DRC3: variants seen among roughly 807,000 people sequenced by gnomAD.
The protein encoded by DRC3 is leucine rich repeat containing 48.
A neutral mutation model predicts 57.6 loss-of-function variants in DRC3; 45 were observed. The ratio of observed to expected loss-of-function variants is 0.78; its 90% CI spans 0.62 to 1.00. DRC3 has a LOEUF of 1.00. Ranked by LOEUF, DRC3 falls within the 50% of genes least tolerant of loss-of-function variation. The pLI is 0.00. For missense variants in DRC3, 655 were observed against 675.2 expected (o/e 0.97, Z 0.33); for synonymous variants, 257 against 272.3 (o/e 0.94, Z 0.55).
chr17:17,975,226 T>G (rs1302308843), intron 2 of DRC3, among the ~76,000 whole-genome samples: 4 of 127,540 alleles, frequency 3.1e-5, no homozygotes, highest in East Asian at 5.0e-4. Flanking sequence ...TTTTTTTTTT[T>G]TCTTGATGGA....
At chr17:18,014,944 A>C (rs143614515) in intron 12 of DRC3, 10 of 152,192 alleles carry the variant, frequency 6.6e-5, no homozygotes, top group African/African-American at 2.2e-4. Flanking sequence ...CCCATTCCAC[A>C]TATCAGCTAA....
At chr17:18,000,675 C>T (rs1461592138) in intron 9 of DRC3, among the ~76,000 whole-genome samples, 1 of 152,120 alleles carries the variant, frequency 6.6e-6, no homozygotes, top group Non-Finnish European at 1.5e-5. Flanking sequence ...CCTACAGAAC[C>T]TGTACCTTCC....
At position 18,008,794 on chromosome 17, in the gene DRC3, C is replaced by G. The variant is rs980672307; in HGVS notation, c.1326+1647C>G. On this transcript the variant is annotated intron_variant, in intron 12 of 13. Transcript: ENST00000399187. The surrounding 1 kb of genome is among the most constrained non-coding windows in gnomAD (Gnocchi z 4.3). ...AGTGCCCAGTTTGGAATTCCCCAGA[C>G]AGACCATCTTGGGGTGGGTGGAGAT... Among the ~76,000 whole-genome samples the G allele has an allele frequency of 1.3e-5, 2 of 152,252 alleles. No individual in the cohort carries two copies. The highest frequency in any genetic ancestry group is 4.8e-5 in the African/African-American group (2 of 41,468).
intron 8 of DRC3, among the ~76,000 whole-genome samples, chr17:17,996,049 G>A (rs1440181517): frequency 6.6e-6 from 1 of 152,186 alleles, no homozygotes; most frequent in Non-Finnish European, 1.5e-5. Context: ...AGACAGCGTT[G>A]CGCTGTTGTT....
chr17:17,975,963 G>C (rs575699628), intron 2 of DRC3, among the ~76,000 whole-genome samples: 14 of 152,284 alleles, frequency 9.2e-5, no homozygotes, highest in Non-Finnish European at 1.3e-4. Context: ...CAGTCTTAGA[G>C]GGAAGTCTCT....
rs185581511 is a variant in DRC3, at chr17:18,003,575, C to G, written c.1000-788C>G. 1.1e-3 allele frequency among the ~76,000 whole-genome samples: 151 copies of G among 138,510 alleles called. 1 individual carries two copies. Among genetic ancestry groups the G allele is most frequent in the Non-Finnish European group, 1.7e-3 (108 of 64,938 alleles). The allele number at this position is 138,510 out of a possible 152,430, so 90.9% of individuals were successfully genotyped here. A position where few individuals can be genotyped will look rare whatever the true frequency, so the allele number is the denominator to read the frequency against. ...ACCTTTCCCATGGGAGATTTAACTTCTGCTTTCAGGAAGAAAAAGGGAGGT... is the reference window on the plus strand; with the variant it reads ...ACCTTTCCCATGGGAGATTTAACTTGTGCTTTCAGGAAGAAAAAGGGAGGT... On this transcript the variant is annotated intron_variant, in intron 9 of 13. Coordinates refer to ENST00000399187, the MANE Select transcript of DRC3 (RefSeq NM_031294.4).
chr17:18,004,665 A>G (rs1199639489), intron 10 of DRC3, 171 bp downstream of exon 10: 2 of 647,450 alleles, frequency 3.1e-6, no homozygotes, highest in African/African-American at 1.8e-5. Context: ...TTACATTTTA[A>G]TCATTTACAT....
At chr17:17,977,535 A>G (rs1358353831) in intron 2 of DRC3, 47 bp from the exon 3 acceptor site, 4 of 1,610,040 alleles carry the variant, frequency 2.5e-6, no homozygotes, top group South Asian at 1.1e-5. Context: ...CCTGCCCTCA[A>G]ACAGAGAAAG....
intron 2 of DRC3, among the ~76,000 whole-genome samples, chr17:17,976,572 T>G (rs913198493): frequency 5.3e-5 from 8 of 152,050 alleles, no homozygotes; most frequent in Non-Finnish European, 1.0e-4. Flanking sequence ...TCCTAGTTAC[T>G]CAGGAGGCTG....
intron 13 of DRC3, 64 bp downstream of exon 13, chr17:18,016,259 C>A: frequency 1.3e-6 from 2 of 1,545,108 alleles, no homozygotes; most frequent in South Asian, 2.3e-5. Context: ...TGGAAATCCT[C>A]CCTAGGTAGT....
chr17:17,999,046 T>C (rs1281735120), intron 9 of DRC3, among the ~76,000 whole-genome samples: 2 of 152,310 alleles, frequency 1.3e-5, no homozygotes, highest in South Asian at 2.1e-4. Context: ...CTGATATTTA[T>C]CTGGTCCCTG....
intron 9 of DRC3, among the ~76,000 whole-genome samples, chr17:18,003,976 T>C (rs1176431504): frequency 6.6e-6 from 1 of 151,974 alleles, no homozygotes; most frequent in Non-Finnish European, 1.5e-5. Context: ...CTCAAAATAA[T>C]CACTATGCCA....
chr17:17,988,079 G>A lies in DRC3; in HGVS notation c.425G>A (p.Arg142Gln), dbSNP rs376381892. Residue 142 changes from arginine to glutamine, a missense_variant, in exon 5 of 14, where the codon CGG becomes CAG. Arg to Gln is a conservative substitution (Grantham distance 43). Transcript: ENST00000399187. ...KLQVLSLGNN[R>Q]IDNMMNIIYL... is the part of the protein sequence containing the mutation. ...CAGGTGTTGTCGCTGGGCAACAACCGGATTGACAACATGATGAACGTGAGT... is the reference window on the plus strand; with the variant it reads ...CAGGTGTTGTCGCTGGGCAACAACCAGATTGACAACATGATGAACGTGAGT... The A allele has an allele frequency of 1.4e-5, 23 of 1,613,634 alleles. No individual in the cohort carries two copies. In the African/African-American group the frequency reaches 2.0e-4, roughly 14 times the overall value.
chr17:17,978,873 T>C (rs969937068), intron 3 of DRC3, among the ~76,000 whole-genome samples: 1 of 152,228 alleles, frequency 6.6e-6, no homozygotes, highest in Non-Finnish European at 1.5e-5. Flanking sequence ...GGTACTGTTC[T>C]GAGCACTAGG....
intron 12 of DRC3, chr17:18,007,684 C>G: frequency 7.5e-7 from 1 of 1,336,812 alleles, no homozygotes; most frequent in Non-Finnish European, 9.6e-7. Context: ...TCCCGGATGT[C>G]TGCGCTGGGT....
In DRC3 at chr17:18,016,749, C is replaced by A; in HGVS notation, c.*78C>A. 1 of 864,056 alleles carries A rather than the reference C, an allele frequency of 1.2e-6. No individual in the cohort carries two copies. The allele number at this position is 864,056 out of a possible 1,614,324, so 53.5% of individuals were successfully genotyped here. On this transcript the variant is annotated 3_prime_UTR_variant, in exon 14 of 14. Coordinates refer to ENST00000399187, the MANE Select transcript of DRC3 (RefSeq NM_031294.4). The stretch of plus-strand genomic sequence containing the variant: ...GAGAAGGAAGTGCACACGCCTCACC[C>A]GCACCTCTAGAGAGTTGCTGGGCAT...
chr17:18,007,872 G>GGC (rs2044039127), intron 12 of DRC3: 1 of 1,005,868 alleles, frequency 9.9e-7, no homozygotes, highest in Admixed American at 5.6e-5. Context: ...TCACCACCAA[G>GGC]GCAAGCCACC....
chr17:17,985,088 T>G (rs953283384), intron 4 of DRC3, among the ~76,000 whole-genome samples: 11 of 152,198 alleles, frequency 7.2e-5, no homozygotes, highest in African/African-American at 2.7e-4. Flanking sequence ...ATGAATGCCA[T>G]GGTTTTAAGC....
chr17:17,975,917 G>C (rs1216700888), intron 2 of DRC3, among the ~76,000 whole-genome samples: 1 of 152,178 alleles, frequency 6.6e-6, no homozygotes, highest in Non-Finnish European at 1.5e-5. Flanking sequence ...TGCAGAAGCT[G>C]CATCCAAGTG....
Sources: allele counts gnomAD v4.1 joint callset (sites outside exome capture counted in the v4.1 genomes callset), GRCh38; gene constraint gnomAD v4.1.1; non-coding constraint Gnocchi (gnomAD v3.1); transcripts MANE v1.5; gene names NCBI Gene and HGNC (gene_info 2026-07-23, HGNC 2026-07-21).